The following CHCHD6 variants were observed in gnomAD, a reference collection of about 807,000 sequenced individuals.
The protein encoded by CHCHD6 is MICOS complex subunit MIC25.
CHCHD6 carries 28 observed loss-of-function variants against 32.3 expected under a neutral mutation model. The ratio of observed to expected loss-of-function variants is 0.87; its 90% CI spans 0.64 to 1.19. The LOEUF (loss-of-function observed/expected upper bound fraction) is 1.19. Ranked by LOEUF, CHCHD6 falls within the 50% of genes most tolerant of loss-of-function variation. The pLI, the probability that CHCHD6 is intolerant of heterozygous loss-of-function variation, is 0.00. For missense variants in CHCHD6, 333 were observed against 307.0 expected (o/e 1.08, Z -0.63); for synonymous variants, 122 against 117.5 (o/e 1.04, Z -0.25).
intron 4 of CHCHD6, among the ~76,000 whole-genome samples, chr3:126,784,735 C>T (rs1256754881): frequency 6.6e-6 from 1 of 152,194 alleles, no homozygotes; most frequent in Non-Finnish European, 1.5e-5. Flanking sequence ...TAATCTGACC[C>T]CTCCTCCCCC....
intron 4 of CHCHD6, among the ~76,000 whole-genome samples, chr3:126,850,898 G>T (rs1317286541): frequency 2.6e-5 from 4 of 152,184 alleles, no homozygotes; most frequent in Non-Finnish European, 4.4e-5. Flanking sequence ...GAAATTCCTG[G>T]CATTTAGTCC....
intron 4 of CHCHD6, among the ~76,000 whole-genome samples, chr3:126,798,186 C>T (rs940478558): frequency 2.0e-4 from 30 of 152,248 alleles, no homozygotes; most frequent in African/African-American, 7.2e-4. Flanking sequence ...ACGGGCCACT[C>T]GGGCTTCCTG....
At chr3:126,797,771 G>C (rs1055157650) in intron 4 of CHCHD6, among the ~76,000 whole-genome samples, 1 of 152,178 alleles carries the variant, frequency 6.6e-6, no homozygotes, top group African/African-American at 2.4e-5. Context: ...TTCTGGACTT[G>C]TTTCTAACAC....
intron 6 of CHCHD6, among the ~76,000 whole-genome samples, chr3:126,931,112 C>T (rs913550788): frequency 2.6e-5 from 4 of 152,186 alleles, no homozygotes; most frequent in Admixed American, 6.5e-5. Context: ...TGGAGCAGGG[C>T]GCCAAGGGAA....
chr3:126,862,254 C>T (rs1941935402), intron 5 of CHCHD6, among the ~76,000 whole-genome samples: 3 of 135,604 alleles, frequency 2.2e-5, no homozygotes, highest in African/African-American at 5.5e-5. Context: ...CCTCCTCCTC[C>T]TCCTCCATCA....
chr3:126,796,957 A>C (rs1938822047), intron 4 of CHCHD6, among the ~76,000 whole-genome samples: 1 of 152,208 alleles, frequency 6.6e-6, no homozygotes, highest in African/African-American at 2.4e-5. Flanking sequence ...GGGAAGCTTT[A>C]GGAAAGCTGG....
chr3:126,875,460 G>A (rs370813711), intron 5 of CHCHD6, among the ~76,000 whole-genome samples: 62 of 152,364 alleles, frequency 4.1e-4, no homozygotes, highest in Non-Finnish European at 7.8e-4. Flanking sequence ...CACTGCTCTC[G>A]TGCTACAGTG....
chr3:126,826,099 A>T (rs1346020862), intron 4 of CHCHD6, among the ~76,000 whole-genome samples: 2 of 152,262 alleles, frequency 1.3e-5, no homozygotes, highest in Admixed American at 6.5e-5. Flanking sequence ...CATCAAATGA[A>T]GTAGCCGGGT....
chr3:126,831,099 C>T (rs566445708), intron 4 of CHCHD6, among the ~76,000 whole-genome samples: 1 of 151,948 alleles, frequency 6.6e-6, no homozygotes, highest in South Asian at 2.1e-4. Flanking sequence ...TCTCAGCTCA[C>T]TGCAAGCTCC....
At chr3:126,865,516 C>A in intron 5 of CHCHD6, 1 of 968,550 alleles carries the variant, frequency 1.0e-6, no homozygotes, top group Non-Finnish European at 1.2e-6. Flanking sequence ...ACCACCATCT[C>A]CACCATCCTC....
intron 6 of CHCHD6, among the ~76,000 whole-genome samples, chr3:126,923,314 G>C (rs951013123): frequency 5.3e-5 from 8 of 151,836 alleles, no homozygotes; most frequent in Non-Finnish European, 1.0e-4. Context: ...CTTACAAATT[G>C]CTCTGTTTAA....
At chr3:126,929,531 T>C (rs552605031) in intron 6 of CHCHD6, among the ~76,000 whole-genome samples, 2 of 152,028 alleles carry the variant, frequency 1.3e-5, no homozygotes, top group African/African-American at 2.4e-5. Context: ...AGAACGATTA[T>C]TTGAATATAT....
intron 4 of CHCHD6, among the ~76,000 whole-genome samples, chr3:126,752,157 C>T (rs568081595): frequency 6.6e-6 from 1 of 152,284 alleles, no homozygotes; most frequent in South Asian, 2.1e-4. Flanking sequence ...GGTGCAGGAG[C>T]TGTTTGGGCT....
chr3:126,829,855 T>C (rs1019511237), intron 4 of CHCHD6, among the ~76,000 whole-genome samples: 1 of 152,146 alleles, frequency 6.6e-6, no homozygotes, highest in African/African-American at 2.4e-5. Context: ...CCCAGCACTT[T>C]GGGAGGCCAA....
chr3:126,852,310 C>T (rs1474174982), intron 4 of CHCHD6, among the ~76,000 whole-genome samples: 1 of 152,176 alleles, frequency 6.6e-6, no homozygotes, highest in African/African-American at 2.4e-5. Context: ...CATCTGGCTT[C>T]TCATCTGTAG....
intron 4 of CHCHD6, among the ~76,000 whole-genome samples, chr3:126,757,949 A>G (rs917470000): frequency 1.3e-5 from 2 of 152,250 alleles, no homozygotes; most frequent in Non-Finnish European, 2.9e-5. Flanking sequence ...AATGTGGCCC[A>G]GTGCCCTACC....
intron 4 of CHCHD6, among the ~76,000 whole-genome samples, chr3:126,788,091 T>G (rs1214773156): frequency 1.3e-5 from 2 of 152,202 alleles, no homozygotes; most frequent in Non-Finnish European, 2.9e-5. Flanking sequence ...ATCATGTTGT[T>G]TTTGTCTTTG....
At chr3:126,890,790 G>C (rs937485117) in intron 5 of CHCHD6, among the ~76,000 whole-genome samples, 6 of 152,186 alleles carry the variant, frequency 3.9e-5, no homozygotes, top group African/African-American at 1.2e-4. Flanking sequence ...TTTCTGAGCA[G>C]CGGTTCTCAG....
At chr3:126,721,200 C>G (rs944280161) in intron 1 of CHCHD6, among the ~76,000 whole-genome samples, 14 of 152,190 alleles carry the variant, frequency 9.2e-5, no homozygotes, top group Admixed American at 9.2e-4. Flanking sequence ...AAACTTTCAG[C>G]GTCTCCTCGG....
Sources: gnomAD v4.1 joint callset for allele counts (sites outside exome capture counted in the v4.1 genomes callset) on GRCh38, gnomAD v4.1.1 for gene constraint, MANE v1.5 for transcripts, NCBI Gene and HGNC (gene_info 2026-07-23, HGNC 2026-07-21) for gene names.